The following POR variants were observed in gnomAD, a reference collection of about 807,000 sequenced individuals.
POR encodes cytochrome p450 oxidoreductase.
POR carries 56 observed loss-of-function variants against 84.0 expected under a neutral mutation model. The observed-to-expected ratio is 0.67, with a 90% CI of 0.54 to 0.83. The LOEUF is 0.83. Ranked by LOEUF, POR falls within the 40% of genes least tolerant of loss-of-function variation. The pLI, the probability that POR is intolerant of heterozygous loss-of-function variation, is 0.00. For synonymous variants in POR, 414 were observed against 400.5 expected, an observed-to-expected ratio of 1.03 and a Z score of -0.40; for missense variants, 938 against 944.3, an observed-to-expected ratio of 0.99 and a Z score of 0.09.
chr7:75,963,561 C>G (rs1417978633), intron 2 of POR, among the ~76,000 whole-genome samples: 1 of 152,164 alleles, frequency 6.6e-6, no homozygotes, highest in African/African-American at 2.4e-5. Context: ...CTTCACTGGG[C>G]CCTGTCGGGT....
chr7:75,967,750 C>G lies in POR; in HGVS notation c.189-4663C>G, dbSNP rs118178902. The stretch of plus-strand genomic sequence containing the variant: ...GGTTGGAAAGGTTTTCTCCTTCCCT[C>G]GGTCCATACAGAGGGAGGAGGGGTG... On this transcript the variant is annotated intron_variant, in intron 2 of 15. Transcript: ENST00000461988. The G allele has an allele frequency of 8.1e-3, 1,941 of 238,930 alleles. 22 individuals carry two copies. Among genetic ancestry groups the G allele is most frequent in the Non-Finnish European group, 0.014 (1,517 of 111,842 alleles). The allele number at this position is 238,930 out of a possible 1,614,324, so 14.8% of individuals were successfully genotyped here. A position where few individuals can be genotyped will look rare whatever the true frequency, so the allele number is the denominator to read the frequency against.
At chr7:75,981,329 A>G (rs1172883611) in intron 6 of POR, among the ~76,000 whole-genome samples, 157 bp downstream of exon 6, 1 of 151,372 alleles carries the variant, frequency 6.6e-6, no homozygotes, top group East Asian at 1.9e-4. Context: ...TGCCCCTGCC[A>G]GTTTTGCTTT....
Position 75,985,196 on chromosome 7 carries a change from T to A in POR, c.1387T>A (p.Ser463Thr). ...GCAGGCCCGCTACTACTCCATCGCC[T>A]CATCCTCCAAGGTGAGGGCCGGCAC... Residue 463 changes from serine (S) to threonine (T), a missense_variant, in exon 12 of 16, where the codon TCA becomes ACA. By Grantham distance (58) the Ser-to-Thr change is moderately conservative. Transcript: ENST00000461988. 1 of 1,593,700 alleles carries A rather than the reference T, an allele frequency of 6.3e-7. No individual in the cohort carries two copies. Among genetic ancestry groups the A allele is most frequent in the Non-Finnish European group, 8.5e-7 (1 of 1,175,890 alleles).
intron 10 of POR, 74 bp from the exon 11 acceptor site, chr7:75,984,702 AC>A: frequency 7.4e-7 from 1 of 1,344,034 alleles, no homozygotes; most frequent in Non-Finnish European, 1.1e-6. Context: ...CCAAGGTGTC[AC>A]CCCCTCCTGC....
chr7:75,936,688 A>G (rs931190225), intron 1 of POR, among the ~76,000 whole-genome samples: 2 of 151,962 alleles, frequency 1.3e-5, no homozygotes, highest in Non-Finnish European at 2.9e-5. Context: ...GGCAGGTGGC[A>G]TTCTGATTGC....
chr7:75,975,850 C>T (rs1167384943), intron 3 of POR, among the ~76,000 whole-genome samples: 1 of 105,062 alleles, frequency 9.5e-6, no homozygotes, highest in Non-Finnish European at 1.8e-5. Context: ...CTGGGTCTCA[C>T]TCTGTTGCCC....
intron 1 of POR, among the ~76,000 whole-genome samples, chr7:75,942,824 C>T (rs1469160186): frequency 6.6e-6 from 1 of 151,918 alleles, no homozygotes; most frequent in Non-Finnish European, 1.5e-5. Flanking sequence ...TTGCATATAA[C>T]TGCTGTTTTG....
chr7:75,980,268 C>T (rs1338709553), intron 4 of POR, 71 bp from the exon 5 acceptor site: 1 of 1,548,140 alleles, frequency 6.5e-7, no homozygotes, highest in Non-Finnish European at 8.8e-7. Context: ...TGGCCTTCCC[C>T]ATCTGGTGCG....
intron 2 of POR, among the ~76,000 whole-genome samples, chr7:75,961,591 T>G (rs1787943853): frequency 6.6e-6 from 1 of 151,948 alleles, no homozygotes; most frequent in African/African-American, 2.4e-5. Context: ...CAGCCCCCAG[T>G]TTTCATAACT....
At chr7:75,930,301 G>T (rs1484260352) in intron 1 of POR, among the ~76,000 whole-genome samples, 6 of 151,970 alleles carry the variant, frequency 3.9e-5, no homozygotes, top group African/African-American at 1.5e-4. Flanking sequence ...GAACCAAGGG[G>T]TACTAACCCT....
intron 2 of POR, among the ~76,000 whole-genome samples, chr7:75,962,520 T>C (rs1481822565): frequency 3.3e-5 from 5 of 152,124 alleles, no homozygotes; most frequent in African/African-American, 1.2e-4. Context: ...GCTGGTCTTG[T>C]TCGAACGTCT....
At chr7:75,981,026 A>G (rs1788988987) in intron 5 of POR, 22 bp from the exon 6 acceptor site, 1 of 1,551,692 alleles carries the variant, frequency 6.4e-7, no homozygotes, top group South Asian at 1.2e-5. Context: ...CAGGCCTCAG[A>G]GCGGCCCCTG....
intron 3 of POR, among the ~76,000 whole-genome samples, chr7:75,975,914 G>A (rs1226781316): frequency 6.9e-6 from 1 of 145,876 alleles, no homozygotes; most frequent in Non-Finnish European, 1.5e-5. Context: ...GGCCTCCCAG[G>A]GTACTGGGAT....
chr7:75,958,737 A>T (rs1787795185), intron 2 of POR, among the ~76,000 whole-genome samples: 2 of 152,056 alleles, frequency 1.3e-5, no homozygotes, highest in Non-Finnish European at 2.9e-5. Flanking sequence ...CCCAGTGCTT[A>T]GGGAGGCTGA....
At chr7:75,962,068 C>CCATCTT (rs1456570407) in intron 2 of POR, among the ~76,000 whole-genome samples, 9 of 152,142 alleles carry the variant, frequency 5.9e-5, no homozygotes, top group African/African-American at 1.9e-4. Flanking sequence ...TAACACAACG[C>CCATCTT]CATCTTCACA....
Position 75,983,637 on chromosome 7 carries a change from G to A in POR, c.947+1G>A. On this transcript the variant is annotated splice_donor_variant, in intron 9 of 15. Coordinates refer to ENST00000461988, the MANE Select transcript of POR (RefSeq NM_000941.3). LOFTEE classifies it high-confidence loss of function. Reference sequence around the variant, plus strand: ...TGGACATCTCGGACTCCAAAATCAGGTACCAGCTGCCACTGTCACCCCCTG... The same window carrying A: ...TGGACATCTCGGACTCCAAAATCAGATACCAGCTGCCACTGTCACCCCCTG... 2 of 1,612,304 alleles carry A rather than the reference G, an allele frequency of 1.2e-6. No individual in the cohort carries two copies. The highest frequency in any genetic ancestry group is 1.7e-6 in the Non-Finnish European group (2 of 1,179,308).
intron 2 of POR, among the ~76,000 whole-genome samples, chr7:75,957,798 C>T (rs1177054066): frequency 1.3e-5 from 2 of 152,200 alleles, no homozygotes; most frequent in Non-Finnish European, 2.9e-5. Context: ...AGTCTTGTCT[C>T]TTCCCTCATT....
intron 2 of POR, among the ~76,000 whole-genome samples, chr7:75,964,223 C>T (rs1554554888): frequency 2.0e-5 from 3 of 151,916 alleles, no homozygotes; most frequent in East Asian, 1.9e-4. Context: ...TGGTCTTGAA[C>T]TCCTGACCTC....
chr7:75,951,958 G>A (rs888756900), intron 1 of POR, among the ~76,000 whole-genome samples: 3 of 149,900 alleles, frequency 2.0e-5, no homozygotes, highest in South Asian at 2.1e-4. Context: ...CTGGCCGGGC[G>A]GGGGGCTGAC....
Sources: allele counts gnomAD v4.1 joint callset (sites outside exome capture counted in the v4.1 genomes callset), GRCh38; gene constraint gnomAD v4.1.1; transcripts MANE v1.5; gene names NCBI Gene and HGNC (gene_info 2026-07-23, HGNC 2026-07-21).